The following UBN2 variants were observed in gnomAD, a reference collection of about 807,000 sequenced individuals.
UBN2 encodes the protein ubinuclein 2, also known as ubinuclein-2.
UBN2 carries 35 observed loss-of-function variants against 120.2 expected under a neutral mutation model. That is an observed-to-expected ratio of 0.29 (90% CI 0.22 to 0.39). UBN2 has a LOEUF of 0.39. Ranked by LOEUF, UBN2 falls within the 10% of genes least tolerant of loss-of-function variation. The pLI is 1.00. For missense variants in UBN2, 1,693 were observed against 1,663.2 expected (o/e 1.02, Z -0.31); for synonymous variants, 661 against 648.7 (o/e 1.02, Z -0.29).
rs1798367025 is a variant in UBN2, at chr7:139,306,856, A to G, written c.*9020A>G. 1 of 152,230 alleles carries G rather than the reference A, an allele frequency of 6.6e-6. No individual in the cohort carries two copies. Among genetic ancestry groups the G allele is most frequent in the Non-Finnish European group, 1.5e-5 (1 of 68,038 alleles). The allele number at this position is 152,230 out of a possible 1,614,324, so 9.4% of individuals were successfully genotyped here. A position where few individuals can be genotyped will look rare whatever the true frequency, so the allele number is the denominator to read the frequency against. On this transcript the variant is annotated 3_prime_UTR_variant, in exon 18 of 18. Transcript: ENST00000473989. Reference sequence around the variant, plus strand: ...TATATTAATCCAAGTCTACCAAGGTAACTAAGTAATGGATGTTTTCTCTCT... The same window carrying G: ...TATATTAATCCAAGTCTACCAAGGTGACTAAGTAATGGATGTTTTCTCTCT...
the UBN2 span, among the ~76,000 whole-genome samples, chr7:139,314,916 T>C: frequency 6.6e-6 from 1 of 151,892 alleles, no homozygotes; most frequent in East Asian, 1.9e-4. Context: ...GAACCGTGAA[T>C]GTTTTTGGAT....
intron 8 of UBN2, among the ~76,000 whole-genome samples, chr7:139,272,010 T>C (rs763563228): frequency 7.2e-5 from 11 of 152,214 alleles, no homozygotes; most frequent in Non-Finnish European, 1.5e-4. Flanking sequence ...TACAATGATT[T>C]TGTTTTCCGT....
Position 139,261,726 on chromosome 7 carries a change from C to A in UBN2, c.1380C>A (p.Ile460=). The change falls in exon 6 of 18, where the codon ATC becomes ATA. Residue 460 remains isoleucine (I), a synonymous_variant. Transcript: ENST00000473989. The stretch of plus-strand genomic sequence containing the variant: ...TACCTGTACTTCTTGAAAAACGTAT[C>A]GAAGACCTTCGTGTAGTAAGTGTAA... ...EGLPVLLEKR[I]EDLRVAAKLF... 1 of 1,611,396 alleles carries A rather than the reference C, an allele frequency of 6.2e-7. No homozygotes were observed. Among genetic ancestry groups the A allele is most frequent in the Non-Finnish European group, 8.5e-7 (1 of 1,177,800 alleles).
At chr7:139,327,015 C>T in the UBN2 span, among the ~76,000 whole-genome samples, 2 of 152,122 alleles carry the variant, frequency 1.3e-5, no homozygotes, top group African/African-American at 4.8e-5. Flanking sequence ...GTATTTTCTT[C>T]TTCTTTTCTT....
intron 4 of UBN2, 82 bp downstream of exon 4, chr7:139,258,707 G>A (rs1386452731): frequency 4.7e-5 from 59 of 1,246,420 alleles, no homozygotes; most frequent in Non-Finnish European, 6.3e-5. Flanking sequence ...TCACACGTGT[G>A]AATGTAAGGA....
the UBN2 span, among the ~76,000 whole-genome samples, chr7:139,321,458 C>T: frequency 6.6e-6 from 1 of 152,210 alleles, no homozygotes; most frequent in Non-Finnish European, 1.5e-5. Context: ...TGGTGGCTAG[C>T]CCCTGGAGAT....
In UBN2 at chr7:139,303,158, T is replaced by A. The variant is rs1241975559; in HGVS notation, c.*5322T>A. 1.3e-5 allele frequency: 2 copies of A among 152,246 alleles called. No homozygotes were observed. The highest frequency in any genetic ancestry group is 2.9e-5 in the Non-Finnish European group (2 of 68,036). The allele number at this position is 152,246 out of a possible 1,614,324, so 9.4% of individuals were successfully genotyped here. ...GACTTCAGATGCTGAGGAAAACATA[T>A]AATCTATAGCATTCTTGAGAGATTT... On this transcript the variant is annotated 3_prime_UTR_variant, in exon 18 of 18. Transcript: ENST00000473989.
At position 139,275,392 on chromosome 7, in the gene UBN2, G is replaced by A. The variant is rs556285216; in HGVS notation, c.1974-705G>A. On this transcript the variant is annotated intron_variant, in intron 11 of 17. Transcript: ENST00000473989. The stretch of plus-strand genomic sequence containing the variant: ...AGGTCAGGAGATTGAGACCATCCTG[G>A]CTAACACGGTGAAACCCCGTCTCTA... 6.0e-5 allele frequency among the ~76,000 whole-genome samples: 9 copies of A among 150,908 alleles called. No individual in the cohort carries two copies. In the East Asian group the frequency reaches 1.8e-3, roughly 30 times the overall value.
At position 139,302,119 on chromosome 7, in the gene UBN2, CTG is replaced by C. The variant is rs1338612765; in HGVS notation, c.*4285_*4286del. 1 of 152,052 alleles carries C rather than the reference CTG, an allele frequency of 6.6e-6. No individual in the cohort carries two copies. The highest frequency in any genetic ancestry group is 1.5e-5 in the Non-Finnish European group (1 of 68,024). The allele number at this position is 152,052 out of a possible 1,614,324, so 9.4% of individuals were successfully genotyped here. ...CTTTCTTTTTTCCTCTCTTTTGAAA[CTG>C]TTGTCACATTATCTTAAAGTACAGA... On this transcript the variant is annotated 3_prime_UTR_variant, in exon 18 of 18. Coordinates refer to ENST00000473989, the MANE Select transcript of UBN2 (RefSeq NM_173569.4).
chr7:139,271,127 ATATT>A (rs1211807247), intron 8 of UBN2, among the ~76,000 whole-genome samples: 1 of 152,024 alleles, frequency 6.6e-6, no homozygotes, highest in East Asian at 1.9e-4. Flanking sequence ...ATGTGCTATA[ATATT>A]TATTTACTGG....
the UBN2 span, among the ~76,000 whole-genome samples, chr7:139,319,903 C>T: frequency 1.6e-4 from 24 of 152,044 alleles, no homozygotes; most frequent in African/African-American, 3.6e-4. Flanking sequence ...GGTGAAACCC[C>T]GTCTCTACTA....
At chr7:139,275,440 G>A (rs1166407602) in intron 11 of UBN2, among the ~76,000 whole-genome samples, 6 of 151,596 alleles carry the variant, frequency 4.0e-5, no homozygotes, top group African/African-American at 7.3e-5. Flanking sequence ...AAAATTAGCC[G>A]GGCATGGTGG....
At chr7:139,234,338 C>T (rs1354428803) in intron 1 of UBN2, among the ~76,000 whole-genome samples, 1 of 152,074 alleles carries the variant, frequency 6.6e-6, no homozygotes, top group Non-Finnish European at 1.5e-5. Context: ...GGATACCATT[C>T]ATGTGGGTGC....
In UBN2 at chr7:139,284,050, C is replaced by T. The variant is rs1289206683; in HGVS notation, c.3145C>T (p.Pro1049Ser). ...CGCATCTCCCAAGCCTGCCACATCT[C>T]CTAAACCCCTGCCCTCGCCTAAGCC... is the stretch of plus-strand genomic sequence containing the variant. ...LAASPKPATS[P>S]KPLPSPKPSA... Residue 1049 changes from proline to serine, a missense_variant, in exon 15 of 18, where the codon CCT (proline) becomes TCT (serine). Around this residue, in one of 5 missense-constraint regions of UBN2, gnomAD observed 837 missense variants for 817.6 expected, o/e 1.02. Transcript: ENST00000473989. 1 of 1,614,172 alleles carries T rather than the reference C, an allele frequency of 6.2e-7. No individual in the cohort carries two copies. The highest frequency in any genetic ancestry group is 1.7e-5 in the Admixed American group (1 of 60,024).
At chr7:139,276,032 A>G (rs1374685072) in intron 11 of UBN2, 65 bp from the exon 12 acceptor site, 2 of 1,327,794 alleles carry the variant, frequency 1.5e-6, no homozygotes, top group East Asian at 2.5e-5. Flanking sequence ...ACTTTAAAAA[A>G]TAAAACAATT....
the UBN2 span, among the ~76,000 whole-genome samples, chr7:139,318,900 G>A: frequency 3.9e-5 from 6 of 152,180 alleles, no homozygotes; most frequent in East Asian, 9.7e-4. Flanking sequence ...GTGGTTCTCC[G>A]GCTGGTGGCT....
chr7:139,242,553 A>G (rs1311439736), intron 2 of UBN2, among the ~76,000 whole-genome samples: 1 of 150,840 alleles, frequency 6.6e-6, no homozygotes, highest in African/African-American at 2.5e-5. Context: ...TTTAAAGCAA[A>G]CTGGGGGAGG....
intron 2 of UBN2, among the ~76,000 whole-genome samples, chr7:139,249,088 T>C (rs1796549325): frequency 6.6e-6 from 1 of 151,946 alleles, no homozygotes; most frequent in Non-Finnish European, 1.5e-5. Context: ...TTGAGAAGGA[T>C]TGTCATTGTT....
At chr7:139,316,094 AAAAAAAAAAAAAAG>A in the UBN2 span, among the ~76,000 whole-genome samples, 2,068 of 145,128 alleles carry the variant, frequency 0.014, 237 homozygotes, top group African/African-American at 0.052. Context: ...AAAAAAAAAA[AAAAAAAAAAAAAAG>A]GGGTTCCAGT....
Sources: allele counts gnomAD v4.1 joint callset (sites outside exome capture counted in the v4.1 genomes callset), GRCh38; gene constraint gnomAD v4.1.1; regional missense constraint gnomAD v4.1.1; transcripts MANE v1.5; gene names NCBI Gene and HGNC (gene_info 2026-07-23, HGNC 2026-07-21).